The following IFNAR1 variants were observed in gnomAD, a reference collection of about 807,000 sequenced individuals.
IFNAR1 encodes the protein interferon alpha/beta receptor 1.
In IFNAR1, 47 loss-of-function variants were observed where a neutral mutation model predicts 62.1. The ratio of observed to expected loss-of-function variants is 0.76; its 90% CI spans 0.60 to 0.97. The LOEUF is 0.97. Among genes scored for constraint, IFNAR1 ranks in the 50% least tolerant of loss-of-function variants. The pLI is 0.00. For synonymous variants in IFNAR1, 219 were observed against 226.9 expected (o/e 0.97, Z 0.31); for missense variants, 638 against 654.5 (o/e 0.97, Z 0.27).
chr21:33,326,890 A>G (rs2083131720), intron 1 of IFNAR1, among the ~76,000 whole-genome samples: 1 of 152,136 alleles, frequency 6.6e-6, no homozygotes. Context: ...TGCATGGGGG[A>G]ATGGCAACTA....
chr21:33,354,421 C>T (rs558184094), intron 10 of IFNAR1, among the ~76,000 whole-genome samples: 3 of 152,248 alleles, frequency 2.0e-5, no homozygotes, highest in African/African-American at 2.4e-5. Context: ...ATTTGTGATG[C>T]GTTTGTCAGA....
intron 1 of IFNAR1, among the ~76,000 whole-genome samples, chr21:33,333,312 C>A (rs1329748766): frequency 6.6e-6 from 1 of 152,170 alleles, no homozygotes; most frequent in African/African-American, 2.4e-5. Context: ...CACTGCTAGA[C>A]CAGCCTTATG....
chr21:33,353,915 A>G, intron 10 of IFNAR1, 132 bp downstream of exon 10: 1 of 606,388 alleles, frequency 1.6e-6, no homozygotes. Flanking sequence ...ATCTTCTTCA[A>G]AGCTTTAGTC....
chr21:33,346,864 C>T (rs907892075), intron 6 of IFNAR1, among the ~76,000 whole-genome samples: 4 of 152,124 alleles, frequency 2.6e-5, no homozygotes, highest in African/African-American at 9.7e-5. Flanking sequence ...AAGTAGACAA[C>T]TATTAGATGT....
Position 33,358,462 on chromosome 21 carries a change from A to G in IFNAR1, c.*2913A>G, listed in dbSNP as rs2083469894. The G allele has an allele frequency of 2.0e-5, 3 of 152,188 alleles. 1 individual carries two copies. In the South Asian group the frequency reaches 6.2e-4, roughly 32 times the overall value. 9.4% of individuals were successfully genotyped at this position (152,188 alleles called of 1,614,324 possible). A position where few individuals can be genotyped will look rare whatever the true frequency, so the allele number is the denominator to read the frequency against. On this transcript the variant is annotated 3_prime_UTR_variant, in exon 11 of 11. Coordinates refer to ENST00000270139, the MANE Select transcript of IFNAR1 (RefSeq NM_000629.3). ...GAGCCAGAAATAATTTTATATTAAT[A>G]TATAATACAGATTAACATTATATAT...
At chr21:33,328,307 G>T (rs1271370801) in intron 1 of IFNAR1, among the ~76,000 whole-genome samples, 2 of 152,114 alleles carry the variant, frequency 1.3e-5, no homozygotes, top group African/African-American at 4.8e-5. Context: ...GAAACTTAAC[G>T]TCTGTGTTGT....
At chr21:33,354,069 G>A (rs570109623) in intron 10 of IFNAR1, among the ~76,000 whole-genome samples, 4 of 152,216 alleles carry the variant, frequency 2.6e-5, no homozygotes, top group Non-Finnish European at 5.9e-5. Flanking sequence ...TTGGCCAAGC[G>A]TGGTGGCTCA....
At chr21:33,335,247 C>A (rs896144584) in intron 1 of IFNAR1, among the ~76,000 whole-genome samples, 1 of 152,090 alleles carries the variant, frequency 6.6e-6, no homozygotes, top group African/African-American at 2.4e-5. Context: ...AAGAAAAATT[C>A]TATTTTTATG....
At chr21:33,324,864 T>G, upstream of IFNAR1, 2 of 535,622 alleles carry the variant, frequency 3.7e-6, no homozygotes, top group South Asian at 2.1e-5. Flanking sequence ...GGCGCGTGCG[T>G]GGAGGAACGG....
intron 3 of IFNAR1, among the ~76,000 whole-genome samples, chr21:33,342,688 C>CAAAAAAAAA (rs757422966): frequency 2.1e-5 from 2 of 93,490 alleles, no homozygotes; most frequent in African/African-American, 4.0e-5. Context: ...ACTAAAAATA[C>CAAAAAAAAA]AAAAAAAAAA....
Position 33,343,619 on chromosome 21 carries a change from C to A in IFNAR1, c.616C>A (p.Leu206Ile). Reference sequence around the variant, plus strand: ...TTATTGTCTAAAAGTTAAAGCAGCACTACTTACGTCATGGAAAATTGGTGT... The same window carrying A: ...TTATTGTCTAAAAGTTAAAGCAGCAATACTTACGTCATGGAAAATTGGTGT... Reference protein sequence around the residue: ...TTYCLKVKAALLTSWKIGVYS... With the variant: ...TTYCLKVKAAILTSWKIGVYS... Residue 206 changes from leucine to isoleucine, a missense_variant, in exon 5 of 11, where the codon CTA becomes ATA. By Grantham distance (5) the Leu-to-Ile change is conservative. Coordinates refer to ENST00000270139, the MANE Select transcript of IFNAR1 (RefSeq NM_000629.3). 1 of 1,604,472 alleles carries A rather than the reference C, an allele frequency of 6.2e-7. No individual in the cohort carries two copies. Among genetic ancestry groups the A allele is most frequent in the Non-Finnish European group, 8.5e-7 (1 of 1,171,448 alleles).
intron 1 of IFNAR1, 80 bp downstream of exon 1, chr21:33,325,211 G>C: frequency 1.6e-6 from 2 of 1,235,606 alleles, no homozygotes; most frequent in South Asian, 2.5e-5. Context: ...CGATGCTGTT[G>C]GGGGCGACAG....
intron 9 of IFNAR1, 97 bp downstream of exon 9, chr21:33,353,005 CT>C: frequency 1.3e-6 from 1 of 770,646 alleles, no homozygotes; most frequent in Non-Finnish European, 1.9e-6. Context: ...TTTCTCTTTA[CT>C]GCAAAAAATA....
intron 5 of IFNAR1, among the ~76,000 whole-genome samples, chr21:33,344,312 A>C (rs2083323784): frequency 6.6e-6 from 1 of 152,212 alleles, no homozygotes; most frequent in African/African-American, 2.4e-5. Context: ...TGTTCAAGAA[A>C]GCATACCTTT....
At chr21:33,341,542 A>G (rs377150810) in intron 3 of IFNAR1, among the ~76,000 whole-genome samples, 3 of 152,322 alleles carry the variant, frequency 2.0e-5, no homozygotes, top group African/African-American at 7.2e-5. Flanking sequence ...ATAGAATTCA[A>G]TGTGAAATTC....
chr21:33,338,940 C>G (rs950909575), intron 2 of IFNAR1, among the ~76,000 whole-genome samples: 2 of 151,992 alleles, frequency 1.3e-5, no homozygotes, highest in African/African-American at 4.8e-5. Context: ...CAGGATTTCT[C>G]CATGTTGATC....
Position 33,358,358 on chromosome 21 carries a change from G to A in IFNAR1, c.*2809G>A, listed in dbSNP as rs376582904. On this transcript the variant is annotated 3_prime_UTR_variant, in exon 11 of 11. Transcript: ENST00000270139. ...ATGCACTTGGGGGTACCAATTAACC[G>A]CCTGAAAATTAGCATATTGATAGTT... 2.6e-5 allele frequency: 4 copies of A among 151,420 alleles called. No individual in the cohort carries two copies. Among genetic ancestry groups the A allele is most frequent in the Non-Finnish European group, 4.4e-5 (3 of 67,910 alleles). 9.4% of individuals were successfully genotyped at this position (151,420 alleles called of 1,614,324 possible).
chr21:33,329,112 C>T (rs2083153989), intron 1 of IFNAR1, among the ~76,000 whole-genome samples: 1 of 152,146 alleles, frequency 6.6e-6, no homozygotes, highest in Admixed American at 6.5e-5. Context: ...ACTTCAGGGT[C>T]TCCTTCTTTT....
chr21:33,342,868 AT>A (rs1352215926), intron 3 of IFNAR1, among the ~76,000 whole-genome samples: 1 of 152,072 alleles, frequency 6.6e-6, no homozygotes, highest in Non-Finnish European at 1.5e-5. Flanking sequence ...AAAAAAAAAA[AT>A]AAATAAACCA....
Sources: gnomAD v4.1 joint callset for allele counts (sites outside exome capture counted in the v4.1 genomes callset) on GRCh38, gnomAD v4.1.1 for gene constraint, MANE v1.5 for transcripts, NCBI Gene and HGNC (gene_info 2026-07-23, HGNC 2026-07-21) for gene names.